Variants in SH3BP5 observed in about 807,000 individuals in gnomAD.
SH3BP5 encodes SH3 domain binding protein 5.
SH3BP5 carries 22 observed loss-of-function variants against 43.3 expected under a neutral mutation model. The observed-to-expected ratio is 0.51, with a 90% CI of 0.36 to 0.73. SH3BP5 has a LOEUF of 0.73. SH3BP5 is among the 30% of genes least tolerant of loss of function. The pLI, the probability that SH3BP5 is intolerant of heterozygous loss-of-function variation, is 0.00. For missense variants in SH3BP5, 529 were observed against 586.9 expected (o/e 0.90, Z 1.02); for synonymous variants, 255 against 225.8 (o/e 1.13, Z -1.16).
At chr3:15,335,878 G>A (rs1698695549), upstream of SH3BP5, among the ~76,000 whole-genome samples, 5 of 152,224 alleles carry the variant, frequency 3.3e-5, no homozygotes. Context: ...GATGGGGGCA[G>A]GGGATCAAAG....
At chr3:15,322,322 T>A (rs1301168847) in intron 2 of SH3BP5, among the ~76,000 whole-genome samples, 1 of 152,220 alleles carries the variant, frequency 6.6e-6, no homozygotes, top group Admixed American at 6.5e-5. Flanking sequence ...ATAGTTTTTT[T>A]TCCCCCACTA....
intron 3 of SH3BP5, chr3:15,275,858 C>T (rs1696948179): frequency 6.6e-6 from 1 of 151,594 alleles, no homozygotes; most frequent in African/African-American, 2.4e-5. Context: ...CCGCCTCTAC[C>T]TAAATACAAA....
chr3:15,278,241 A>G (rs931023029), intron 3 of SH3BP5, among the ~76,000 whole-genome samples: 12 of 152,242 alleles, frequency 7.9e-5, no homozygotes, highest in African/African-American at 2.9e-4. Flanking sequence ...GCTCATGAAG[A>G]AAAGCATCAG....
intron 2 of SH3BP5, among the ~76,000 whole-genome samples, chr3:15,314,112 AACTT>A (rs1334172726): frequency 6.6e-6 from 1 of 151,520 alleles, no homozygotes; most frequent in African/African-American, 2.4e-5. Context: ...AAAAAATTAA[AACTT>A]AATTAACTTA....
intron 3 of SH3BP5, among the ~76,000 whole-genome samples, chr3:15,272,371 A>G (rs1696827677): frequency 6.6e-6 from 1 of 152,196 alleles, no homozygotes; most frequent in Non-Finnish European, 1.5e-5. Context: ...GCAGGAAGGG[A>G]GGAATGGCAG....
chr3:15,304,985 G>T (rs1697860642), intron 2 of SH3BP5, among the ~76,000 whole-genome samples: 1 of 151,538 alleles, frequency 6.6e-6, no homozygotes, highest in Non-Finnish European at 1.5e-5. Flanking sequence ...GGGCATAGTG[G>T]GGGACACCTG....
chr3:15,294,330 T>TGTGCGCGC (rs565464561), intron 3 of SH3BP5, among the ~76,000 whole-genome samples: 9 of 121,572 alleles, frequency 7.4e-5, no homozygotes, highest in African/African-American at 3.6e-4. Context: ...TGTGTGTGTG[T>TGTGCGCGC]GCGCGCGCAT....
At chr3:15,306,362 C>T (rs576686133) in intron 2 of SH3BP5, among the ~76,000 whole-genome samples, 9 of 152,026 alleles carry the variant, frequency 5.9e-5, no homozygotes, top group Admixed American at 4.6e-4. Context: ...CCGTCTCAAA[C>T]AAACAAACAA....
rs1310748844 is a variant in SH3BP5 at position 15,260,058 on chromosome 3, AC to A, written c.627-256del. On this transcript the variant is annotated intron_variant, in intron 5 of 8. Transcript: ENST00000383791. ...CTCAAGACACGGGGAACCCACACAC[AC>A]ATATCTTGGGGACTCTGCAACTTAG... 9.3e-6 allele frequency: 5 copies of A among 535,708 alleles called. No individual in the cohort carries two copies. The East Asian group carries it at 1.7e-4, about 18-fold the overall frequency. 33.2% of individuals were successfully genotyped at this position (535,708 alleles called of 1,614,324 possible).
chr3:15,335,961 A>G, upstream of SH3BP5, among the ~76,000 whole-genome samples: 1 of 152,160 alleles, frequency 6.6e-6, no homozygotes, highest in East Asian at 1.9e-4. Flanking sequence ...GTGGAATTTA[A>G]AGATAAATTT....
chr3:15,332,984 C>T, upstream of SH3BP5: 1 of 653,162 alleles, frequency 1.5e-6, no homozygotes, highest in Non-Finnish European at 1.9e-6. Flanking sequence ...TCCTCTTGAG[C>T]GAACCTTGGG....
At chr3:15,303,969 G>T in intron 3 of SH3BP5, 134 bp downstream of exon 3, 1 of 694,854 alleles carries the variant, frequency 1.4e-6, no homozygotes, top group Non-Finnish European at 2.5e-6. Flanking sequence ...AGATTGCGGG[G>T]CGGTGGGTCA....
rs187490610 is a variant in SH3BP5, at chr3:15,269,533, A to G, written c.495+180T>C. On this transcript the variant is annotated intron_variant, in intron 4 of 8. Coordinates refer to ENST00000383791, the MANE Select transcript of SH3BP5 (RefSeq NM_004844.5). ...CTGTCACGGAGAGACACTGTGACTC[A>G]TTCTGGAGCACTGGCTTCGTACCAA... 3.9e-5 allele frequency among the ~76,000 whole-genome samples: 6 copies of G among 152,354 alleles called. No individual in the cohort carries two copies. In the East Asian group the frequency reaches 9.6e-4, roughly 24 times the overall value.
chr3:15,327,624 AC>A (rs1027748775), intron 2 of SH3BP5, among the ~76,000 whole-genome samples: 6 of 151,858 alleles, frequency 4.0e-5, no homozygotes, highest in African/African-American at 1.2e-4. Flanking sequence ...AGTAATTATT[AC>A]CCCCGCTCTG....
At chr3:15,260,474 A>G (rs934097540) in intron 5 of SH3BP5, 3 of 154,570 alleles carry the variant, frequency 1.9e-5, no homozygotes, top group Non-Finnish European at 4.3e-5. Context: ...GTGCCTGAAC[A>G]TTAAGAGTAG....
chr3:15,290,426 T>C (rs958568198), intron 3 of SH3BP5, among the ~76,000 whole-genome samples: 1 of 148,922 alleles, frequency 6.7e-6, no homozygotes, highest in African/African-American at 2.5e-5. Flanking sequence ...CTTGGGAGGC[T>C]GAGGCAGGAG....
intron 7 of SH3BP5, chr3:15,258,452 A>C (rs1696305827): frequency 1.2e-5 from 3 of 250,076 alleles, no homozygotes; most frequent in Non-Finnish European, 2.3e-5. Context: ...GAAGAAACTG[A>C]AATACAAAGT....
chr3:15,320,378 A>C (rs1487150317), intron 2 of SH3BP5, among the ~76,000 whole-genome samples: 1 of 152,172 alleles, frequency 6.6e-6, no homozygotes, highest in Non-Finnish European at 1.5e-5. Context: ...TCTTCCTTTA[A>C]GGAAATGAAA....
chr3:15,288,043 G>C (rs1271705918), intron 3 of SH3BP5, among the ~76,000 whole-genome samples: 1 of 152,198 alleles, frequency 6.6e-6, no homozygotes, highest in Non-Finnish European at 1.5e-5. Flanking sequence ...TTCAAAATCT[G>C]CAGAGCTCAA....
Sources: gnomAD v4.1 joint callset for allele counts (sites outside exome capture counted in the v4.1 genomes callset) on GRCh38, gnomAD v4.1.1 for gene constraint, MANE v1.5 for transcripts, NCBI Gene and HGNC (gene_info 2026-07-23, HGNC 2026-07-21) for gene names.